The following PARD6G variants were observed in gnomAD, a reference collection of about 807,000 sequenced individuals.
PARD6G encodes par-6 family cell polarity regulator gamma, also known as partitioning defective 6 homolog gamma.
PARD6G carries 7 observed loss-of-function variants against 10.7 expected under a neutral mutation model. That is an observed-to-expected ratio of 0.66 (90% CI 0.37 to 1.23). The LOEUF is 1.23. Ranked by LOEUF, PARD6G falls within the 50% of genes most tolerant of loss-of-function variation. PARD6G has a pLI of 0.02. For missense variants in PARD6G, 548 were observed against 571.8 expected (o/e 0.96, Z 0.42); for synonymous variants, 287 against 269.4 (o/e 1.07, Z -0.64).
intron 1 of PARD6G, among the ~76,000 whole-genome samples, chr18:80,229,147 C>T (rs1967331325): frequency 6.6e-6 from 1 of 152,102 alleles, no homozygotes; most frequent in African/African-American, 2.4e-5. Flanking sequence ...ACCATGTTGG[C>T]CAGGCTGGTC....
intron 2 of PARD6G, among the ~76,000 whole-genome samples, chr18:80,166,362 CA>C (rs2052736139): frequency 6.6e-6 from 1 of 151,460 alleles, no homozygotes; most frequent in African/African-American, 2.4e-5. Context: ...AGCCCCACTG[CA>C]TTCTGCTAAG....
intron 1 of PARD6G, among the ~76,000 whole-genome samples, chr18:80,230,619 C>T (rs1293612746): frequency 6.6e-6 from 1 of 152,190 alleles, no homozygotes; most frequent in East Asian, 1.9e-4. Context: ...ACCCACTGTA[C>T]CCTGTGGCCC....
chr18:80,246,977 C>A lies in PARD6G; in HGVS notation c.72+300G>T, dbSNP rs553455403. 1.6e-4 allele frequency among the ~76,000 whole-genome samples: 24 copies of A among 152,298 alleles called. 1 individual carries two copies. The South Asian group carries it at 5.0e-3, about 32-fold the overall frequency. ...TCCAATGTGTGGCGCGCCCCGATCG[C>A]CTCTCACTCGTGGAACAAAAGAGCA... On this transcript the variant is annotated intron_variant, in intron 1 of 2. Transcript: ENST00000353265. The surrounding 1 kb of genome is among the most constrained non-coding windows in gnomAD (Gnocchi z 6.7).
chr18:80,222,273 A>C (rs559505234), intron 1 of PARD6G, among the ~76,000 whole-genome samples: 135 of 151,818 alleles, frequency 8.9e-4, no homozygotes, highest in African/African-American at 2.9e-3. Flanking sequence ...AATTTTGTAG[A>C]GATGGAGTCA....
chr18:80,191,057 T>C (rs1599858010), intron 2 of PARD6G, among the ~76,000 whole-genome samples: 1 of 152,208 alleles, frequency 6.6e-6, no homozygotes, highest in South Asian at 2.1e-4. Context: ...GTGTGAGAAT[T>C]CACTGGCTCC....
At position 80,180,152 on chromosome 18, in the gene PARD6G, T is replaced by C. The variant is rs543917429; in HGVS notation, c.296-19546A>G. ...GGTGAACCAGGGCCCGGGACGGGAA[T>C]GGCCATTGGTGTGTCAGCTGCTCAC... On this transcript the variant is annotated intron_variant, in intron 2 of 2. Transcript: ENST00000353265. The surrounding 1 kb of genome is among the most constrained non-coding windows in gnomAD (Gnocchi z 5.6). Among the ~76,000 whole-genome samples, 3 of 152,328 alleles carry C rather than the reference T, an allele frequency of 2.0e-5. No homozygotes were observed. Among genetic ancestry groups the C allele is most frequent in the African/African-American group, 4.8e-5 (2 of 41,584 alleles).
At chr18:80,195,756 T>G (rs984521261) in intron 2 of PARD6G, among the ~76,000 whole-genome samples, 1 of 150,588 alleles carries the variant, frequency 6.6e-6, no homozygotes, top group African/African-American at 2.4e-5. Flanking sequence ...GTGCCTGTAG[T>G]CCCAGCTACT....
intron 2 of PARD6G, among the ~76,000 whole-genome samples, chr18:80,191,953 T>C (rs1481223793): frequency 1.3e-5 from 2 of 152,244 alleles, no homozygotes; most frequent in African/African-American, 4.8e-5. Context: ...TAGGGATTTA[T>C]TTCCTAACGC....
At chr18:80,220,892 AT>A (rs1250463843) in intron 1 of PARD6G, among the ~76,000 whole-genome samples, 5 of 152,220 alleles carry the variant, frequency 3.3e-5, no homozygotes, top group Admixed American at 2.6e-4. Context: ...GTTTTCTAAA[AT>A]AAAATTTTAT....
intron 2 of PARD6G, among the ~76,000 whole-genome samples, chr18:80,186,081 C>T (rs201100111): frequency 2.3e-3 from 342 of 147,072 alleles, no homozygotes; most frequent in African/African-American, 8.0e-3. Context: ...CACCCTCACA[C>T]TCGCATATAC....
intron 1 of PARD6G, among the ~76,000 whole-genome samples, chr18:80,224,149 G>C (rs1249263336): frequency 6.6e-6 from 1 of 152,152 alleles, no homozygotes; most frequent in Admixed American, 6.5e-5. Flanking sequence ...TGGAGTCACA[G>C]GGCTCTGGCA....
intron 2 of PARD6G, among the ~76,000 whole-genome samples, chr18:80,164,466 C>A (rs1324418349): frequency 6.6e-6 from 1 of 152,208 alleles, no homozygotes; most frequent in Non-Finnish European, 1.5e-5. Context: ...TCCACCGGGT[C>A]CACACTGCTC....
At position 80,192,528 on chromosome 18, in the gene PARD6G, C is replaced by T. The variant is rs550479896; in HGVS notation, c.295+10182G>A. Among the ~76,000 whole-genome samples, 2 of 146,428 alleles carry T rather than the reference C, an allele frequency of 1.4e-5. No homozygotes were observed. Among genetic ancestry groups the T allele is most frequent in the South Asian group, 2.2e-4 (1 of 4,598 alleles). Reference sequence around the variant, plus strand: ...GGACGGGGGAGAGCAGGTGCCACGGCGGGAGCCCAGGGGATGGGGGAGAGC... The same window carrying T: ...GGACGGGGGAGAGCAGGTGCCACGGTGGGAGCCCAGGGGATGGGGGAGAGC... On this transcript the variant is annotated intron_variant, in intron 2 of 2. Transcript: ENST00000353265. The surrounding 1 kb of genome is among the most constrained non-coding windows in gnomAD (Gnocchi z 4.9).
chr18:80,215,424 C>A (rs1967154054), intron 1 of PARD6G, among the ~76,000 whole-genome samples: 1 of 151,984 alleles, frequency 6.6e-6, no homozygotes, highest in Non-Finnish European at 1.5e-5. Flanking sequence ...CTGCAGAAAA[C>A]AATAATTATA....
intron 2 of PARD6G, among the ~76,000 whole-genome samples, chr18:80,185,981 C>T (rs572640108): frequency 1.1e-3 from 154 of 138,534 alleles, no homozygotes; most frequent in African/African-American, 3.8e-3. Flanking sequence ...CCCTCACACA[C>T]GCATATACCC....
intron 2 of PARD6G, among the ~76,000 whole-genome samples, chr18:80,202,433 T>C (rs1216611329): frequency 6.6e-6 from 1 of 152,210 alleles, no homozygotes; most frequent in Non-Finnish European, 1.5e-5. Context: ...CAAGCCTCCT[T>C]ATCACTGAGT....
rs1456031436 is a variant in PARD6G, at chr18:80,192,700, A to T, written c.295+10010T>A. Among the ~76,000 whole-genome samples, 1 of 152,178 alleles carries T rather than the reference A, an allele frequency of 6.6e-6. No homozygotes were observed. The highest frequency in any genetic ancestry group is 1.5e-5 in the Non-Finnish European group (1 of 68,018). ...CACCAAAGACAAGGAGGGAAGAATG[A>T]TAAGAGTGAAAGAAAAGCACACCTG... On this transcript the variant is annotated intron_variant, in intron 2 of 2. Transcript: ENST00000353265. This position sits in a 1 kb window ranked among gnomAD's most constrained non-coding sequence, Gnocchi z 4.9.
At chr18:80,227,984 C>A (rs1182999425) in intron 1 of PARD6G, among the ~76,000 whole-genome samples, 2 of 152,138 alleles carry the variant, frequency 1.3e-5, no homozygotes, top group Non-Finnish European at 2.9e-5. Flanking sequence ...TTCTTTGAGC[C>A]AGGTAGAAAC....
intron 1 of PARD6G, among the ~76,000 whole-genome samples, chr18:80,219,278 A>T (rs1967204757): frequency 1.3e-5 from 2 of 152,148 alleles, no homozygotes; most frequent in Non-Finnish European, 2.9e-5. Context: ...ACGTGATCTC[A>T]GCTCACTGCA....
Sources: gnomAD v4.1 joint callset for allele counts (sites outside exome capture counted in the v4.1 genomes callset) on GRCh38, gnomAD v4.1.1 for gene constraint, Gnocchi (gnomAD v3.1) non-coding constraint, MANE v1.5 for transcripts, NCBI Gene and HGNC (gene_info 2026-07-23, HGNC 2026-07-21) for gene names.